The following BEND5 variants were observed in gnomAD, a reference collection of about 807,000 sequenced individuals.
The protein encoded by BEND5 is BEN domain containing 5, also known as BEN domain-containing protein 5.
BEND5 carries 22 observed loss-of-function variants against 43.9 expected under a neutral mutation model. That is an observed-to-expected ratio of 0.50 (90% CI 0.36 to 0.72). The LOEUF (loss-of-function observed/expected upper bound fraction) is 0.72, where lower values mean the gene tolerates loss of function less well. Ranked by LOEUF, BEND5 falls within the 30% of genes least tolerant of loss-of-function variation. The probability of loss-of-function intolerance (pLI) is 0.00; values close to 1 mark genes in which losing one functional copy is unlikely to be tolerated. For synonymous variants in BEND5, 228 were observed against 225.9 expected, an observed-to-expected ratio of 1.01 and a Z score of -0.08; for missense variants, 428 against 550.6, an observed-to-expected ratio of 0.78 and a Z score of 2.23.
Position 48,736,545 on chromosome 1 carries a change from G to T in BEND5, c.895-93C>A. ...CTTTAAAAAGCATTGCTGCACAACT[G>T]TAAGAGATTCATGTCATAAATATGA... On this transcript the variant is annotated intron_variant, in intron 4 of 5. Coordinates refer to ENST00000371833, the MANE Select transcript of BEND5 (RefSeq NM_024603.4). The surrounding 1 kb of genome is among the most constrained non-coding windows in gnomAD (Gnocchi z 4.0). The T allele has an allele frequency of 9.3e-7, 1 of 1,069,520 alleles. No homozygotes were observed. Among genetic ancestry groups the T allele is most frequent in the Non-Finnish European group, 1.4e-6 (1 of 712,644 alleles). The allele number at this position is 1,069,520 out of a possible 1,614,324, so 66.3% of individuals were successfully genotyped here.
intron 1 of BEND5, among the ~76,000 whole-genome samples, chr1:48,773,083 A>G (rs1299164795): frequency 1.3e-5 from 2 of 152,148 alleles, no homozygotes; most frequent in Admixed American, 6.5e-5. Context: ...GTGCACTGGT[A>G]TATTCACTTA....
chr1:48,740,794 G>A (rs1224965342), intron 4 of BEND5, among the ~76,000 whole-genome samples: 1 of 152,132 alleles, frequency 6.6e-6, no homozygotes, highest in Non-Finnish European at 1.5e-5. Context: ...AGAACAATGA[G>A]GGCTACTTCT....
At chr1:48,749,870 A>G (rs1322504633) in intron 3 of BEND5, among the ~76,000 whole-genome samples, 1 of 152,204 alleles carries the variant, frequency 6.6e-6, no homozygotes, top group Non-Finnish European at 1.5e-5. Flanking sequence ...AGGCCCACAC[A>G]TGTATTCAAT....
chr1:48,759,335 T>C, intron 2 of BEND5, 51 bp from the exon 3 acceptor site: 2 of 1,528,538 alleles, frequency 1.3e-6, no homozygotes, highest in Non-Finnish European at 1.8e-6. Context: ...GGGATTTTCT[T>C]GGACTGCAGA....
In BEND5 at chr1:48,758,901, G is replaced by A. The variant is rs12090576; in HGVS notation, c.744C>T (p.Ser248=). ...TAGGTGACCTGCTGGGGCACTCACC[G>A]CTGCCAAGCCGCAGGAGCAGCACGT... is the stretch of plus-strand genomic sequence containing the variant. ...LQDVLLLRLG[S]GPAIDLEKVK... Residue 248 remains serine (S), a splice_region_variant and synonymous_variant, in exon 3 of 6, where the codon AGC becomes AGT. Coordinates refer to ENST00000371833, the MANE Select transcript of BEND5 (RefSeq NM_024603.4). 5.4e-5 allele frequency: 81 copies of A among 1,509,930 alleles called. No homozygotes were observed. The highest frequency in any genetic ancestry group is 1.3e-4 in the South Asian group (10 of 76,152). The allele number at this position is 1,509,930 out of a possible 1,614,324, so 93.5% of individuals were successfully genotyped here.
At chr1:48,730,525 G>A (rs1647938992) in intron 5 of BEND5, among the ~76,000 whole-genome samples, 1 of 152,166 alleles carries the variant, frequency 6.6e-6, no homozygotes, top group Non-Finnish European at 1.5e-5. Context: ...GCAGGAGAGT[G>A]GGTGTGGTGG....
chr1:48,756,453 A>C (rs1643931083), intron 3 of BEND5, among the ~76,000 whole-genome samples: 2 of 152,182 alleles, frequency 1.3e-5, no homozygotes, highest in African/African-American at 4.8e-5. Flanking sequence ...CAAGGGCTGT[A>C]TTGCAAATAT....
chr1:48,763,470 T>TTG (rs1056711472), intron 1 of BEND5, among the ~76,000 whole-genome samples: 10 of 151,922 alleles, frequency 6.6e-5, no homozygotes, highest in African/African-American at 9.7e-5. Context: ...TGGTGTTTTT[T>TTG]TGTGTGTGTG....
At chr1:48,776,536 GGCCCCCGGCCCCTCCCGGGGTCCCA>G in intron 1 of BEND5, 45 bp downstream of exon 1, 1 of 1,173,756 alleles carries the variant, frequency 8.5e-7, no homozygotes, top group Non-Finnish European at 1.1e-6. Context: ...CCTCCGCCCG[GGCCCCCGGCCCCTCCCGGGGTCCCA>G]GCCCCCGCCC....
At chr1:48,750,912 G>A (rs1651630162) in intron 3 of BEND5, among the ~76,000 whole-genome samples, 1 of 152,090 alleles carries the variant, frequency 6.6e-6, no homozygotes, top group Non-Finnish European at 1.5e-5. Context: ...CACACTCAGA[G>A]TACCCCCTGG....
At chr1:48,748,961 G>T (rs1651215887) in intron 3 of BEND5, among the ~76,000 whole-genome samples, 1 of 152,080 alleles carries the variant, frequency 6.6e-6, no homozygotes, top group African/African-American at 2.4e-5. Flanking sequence ...TGACACAGAT[G>T]CCTCCACAGT....
intron 3 of BEND5, among the ~76,000 whole-genome samples, chr1:48,750,433 A>G (rs1424976799): frequency 6.6e-6 from 1 of 152,150 alleles, no homozygotes; most frequent in East Asian, 1.9e-4. Flanking sequence ...TGCCTGAGAT[A>G]GTTCCTTAAC....
intron 1 of BEND5, among the ~76,000 whole-genome samples, chr1:48,768,583 T>C (rs2148683164): frequency 6.6e-6 from 1 of 152,278 alleles, no homozygotes; most frequent in East Asian, 1.9e-4. Flanking sequence ...TATTCAAAAG[T>C]GAATTTACCC....
intron 1 of BEND5, among the ~76,000 whole-genome samples, chr1:48,775,372 T>C (rs938884708): frequency 3.3e-5 from 5 of 152,160 alleles, no homozygotes; most frequent in African/African-American, 1.2e-4. Flanking sequence ...GGCAAGTCTC[T>C]ATGGGTTGAG....
At chr1:48,735,692 T>C (rs1274763708) in intron 5 of BEND5, among the ~76,000 whole-genome samples, 1 of 152,094 alleles carries the variant, frequency 6.6e-6, no homozygotes, top group African/African-American at 2.4e-5. Flanking sequence ...CTGAATCTAG[T>C]GACTACCAGC....
At chr1:48,753,405 G>A (rs1335598840) in intron 3 of BEND5, among the ~76,000 whole-genome samples, 3 of 152,220 alleles carry the variant, frequency 2.0e-5, no homozygotes, top group African/African-American at 7.2e-5. Context: ...CAGTACAGGA[G>A]AAAACCAGCA....
At chr1:48,755,050 GGAAT>G (rs768632364) in intron 3 of BEND5, among the ~76,000 whole-genome samples, 6 of 152,142 alleles carry the variant, frequency 3.9e-5, no homozygotes, top group Non-Finnish European at 5.9e-5. Context: ...TCTTGTGTGT[GGAAT>G]GAATGAAAGA....
chr1:48,729,189 G>T (rs1447509106), intron 5 of BEND5, among the ~76,000 whole-genome samples: 2 of 152,154 alleles, frequency 1.3e-5, no homozygotes, highest in South Asian at 2.1e-4. Context: ...ACCTGTATGG[G>T]GTTGTTCTGA....
chr1:48,755,095 G>A (rs1271545130), intron 3 of BEND5, among the ~76,000 whole-genome samples: 4 of 152,308 alleles, frequency 2.6e-5, no homozygotes, highest in East Asian at 1.9e-4. Flanking sequence ...AGACGTGTAC[G>A]ATTCAGTGAA....
Sources: allele counts gnomAD v4.1 joint callset (sites outside exome capture counted in the v4.1 genomes callset), GRCh38; gene constraint gnomAD v4.1.1; non-coding constraint Gnocchi (gnomAD v3.1); transcripts MANE v1.5; gene names NCBI Gene and HGNC (gene_info 2026-07-23, HGNC 2026-07-21).